The following FXR1 variants were observed in gnomAD, a reference collection of about 807,000 sequenced individuals.
FXR1 encodes FMR1 autosomal homolog 1, also known as RNA-binding protein FXR1.
In FXR1, 15 loss-of-function variants were observed where a neutral mutation model predicts 84.0. The ratio of observed to expected loss-of-function variants is 0.18; its 90% CI spans 0.12 to 0.27. The LOEUF (loss-of-function observed/expected upper bound fraction) is 0.27, where lower values mean the gene tolerates loss of function less well. Among genes scored for constraint, FXR1 ranks in the 10% least tolerant of loss-of-function variants. The pLI is 1.00. For synonymous variants in FXR1, 245 were observed against 250.7 expected, an observed-to-expected ratio of 0.98 and a Z score of 0.21; for missense variants, 480 against 774.4, an observed-to-expected ratio of 0.62 and a Z score of 4.51.
intron 10 of FXR1, among the ~76,000 whole-genome samples, chr3:180,961,156 G>A (rs1324699154): frequency 6.6e-6 from 1 of 151,886 alleles, no homozygotes; most frequent in East Asian, 1.9e-4. Flanking sequence ...TTGGGCAACA[G>A]AGCAAGACCC....
At chr3:180,933,715 A>G (rs1576921395) in intron 2 of FXR1, among the ~76,000 whole-genome samples, 1 of 152,172 alleles carries the variant, frequency 6.6e-6, no homozygotes, top group East Asian at 1.9e-4. Flanking sequence ...CCAGTTGACT[A>G]CTGGTCATCA....
chr3:180,958,804 C>CTTT (rs748793011), intron 10 of FXR1, among the ~76,000 whole-genome samples: 2 of 133,964 alleles, frequency 1.5e-5, no homozygotes, highest in African/African-American at 2.7e-5. Flanking sequence ...AAAGTATTGA[C>CTTT]TTTTTTTTTT....
At position 180,975,423 on chromosome 3, in the gene FXR1, G is replaced by A. The variant is rs1471288772; in HGVS notation, c.1695+19G>A. ...AGAAATGGTAAGGAGAATTTAACCT[G>A]TAGGTTTTTTTTTTTTTTAATTTTT... On this transcript the variant is annotated intron_variant, in intron 16 of 16. Transcript: ENST00000357559. 2 of 960,078 alleles carry A rather than the reference G, an allele frequency of 2.1e-6. No individual in the cohort carries two copies. The highest frequency in any genetic ancestry group is 1.6e-5 in the South Asian group (1 of 63,962). The allele number at this position is 960,078 out of a possible 1,614,324, so 59.5% of individuals were successfully genotyped here.
chr3:180,937,565 T>G (rs945529697), intron 3 of FXR1, among the ~76,000 whole-genome samples: 1 of 152,186 alleles, frequency 6.6e-6, no homozygotes, highest in Non-Finnish European at 1.5e-5. Flanking sequence ...TCAAATTTGC[T>G]CTCTAGAATT....
chr3:180,940,614 T>G (rs1324812096), intron 3 of FXR1, among the ~76,000 whole-genome samples: 1 of 150,798 alleles, frequency 6.6e-6, no homozygotes, highest in Non-Finnish European at 1.5e-5. Flanking sequence ...AGTTTCGGTC[T>G]TGTCCAGGCT....
chr3:180,962,259 C>T (rs1712218720), intron 11 of FXR1, among the ~76,000 whole-genome samples: 2 of 152,190 alleles, frequency 1.3e-5, no homozygotes, highest in Admixed American at 6.5e-5. Context: ...TGAGATCACT[C>T]TGATAATGTC....
intron 1 of FXR1, chr3:180,933,024 C>G: frequency 3.8e-6 from 1 of 265,460 alleles, no homozygotes; most frequent in Non-Finnish European, 7.0e-6. Flanking sequence ...GTAGTAAATA[C>G]TGAACTCTTA....
intron 15 of FXR1, among the ~76,000 whole-genome samples, chr3:180,974,618 G>A (rs893149704): frequency 6.6e-6 from 1 of 151,996 alleles, no homozygotes; most frequent in South Asian, 2.1e-4. Flanking sequence ...ATTTCAGATC[G>A]TCCCTACCAA....
chr3:180,940,585 C>CTTTTTTTTTT (rs58770842), intron 3 of FXR1, among the ~76,000 whole-genome samples: 76 of 147,456 alleles, frequency 5.2e-4, no homozygotes, highest in African/African-American at 1.9e-3. Flanking sequence ...TTTCTGTTTT[C>CTTTTTTTTTT]TTTTTTTTTT....
At chr3:180,935,031 C>T (rs542932798) in intron 2 of FXR1, 107 bp from the exon 3 acceptor site, 22 of 548,838 alleles carry the variant, frequency 4.0e-5, no homozygotes, top group South Asian at 1.1e-4. Flanking sequence ...TGTTGTTTTC[C>T]TTCTCTTTAG....
intron 14 of FXR1, among the ~76,000 whole-genome samples, chr3:180,969,218 A>G (rs2108492145): frequency 6.6e-6 from 1 of 152,330 alleles, no homozygotes; most frequent in South Asian, 2.1e-4. Context: ...AATAGTTTTT[A>G]TATTTTAGTA....
chr3:180,921,521 A>C (rs1718589813), intron 1 of FXR1, among the ~76,000 whole-genome samples: 1 of 152,258 alleles, frequency 6.6e-6, no homozygotes, highest in African/African-American at 2.4e-5. Context: ...TTTAAAAAGT[A>C]TATTGTTTGA....
intron 1 of FXR1, among the ~76,000 whole-genome samples, chr3:180,931,852 C>A (rs551690547): frequency 6.7e-6 from 1 of 150,206 alleles, no homozygotes; most frequent in African/African-American, 2.4e-5. Context: ...GTGATCCTCC[C>A]GCCTCAGCCT....
At chr3:180,914,979 A>G in intron 1 of FXR1, 2 of 966,378 alleles carry the variant, frequency 2.1e-6, no homozygotes, top group Non-Finnish European at 2.5e-6. Flanking sequence ...TTTGAAGTAA[A>G]CAGATGAGAA....
At chr3:180,938,296 T>C (rs907908409) in intron 3 of FXR1, among the ~76,000 whole-genome samples, 2 of 152,236 alleles carry the variant, frequency 1.3e-5, no homozygotes, top group South Asian at 2.1e-4. Flanking sequence ...TTTATACTTT[T>C]ATTAACACTG....
intron 14 of FXR1, 183 bp downstream of exon 14, chr3:180,968,437 G>C: frequency 1.8e-6 from 1 of 565,826 alleles, no homozygotes. Flanking sequence ...CTCAGTGAAG[G>C]TTTACTTAGA....
Position 180,982,388 on chromosome 3 carries a change from T to C in FXR1, c.*6096T>C, listed in dbSNP as rs1413190181. 2.0e-5 allele frequency: 3 copies of C among 152,086 alleles called. No homozygotes were observed. The highest frequency in any genetic ancestry group is 2.0e-4 in the Admixed American group (3 of 15,252). 9.4% of individuals were successfully genotyped at this position (152,086 alleles called of 1,614,324 possible). Reference sequence around the variant, plus strand: ...ACATTTAAATGTTCAGTTTGCCTAATAGCCTTCAATGAAACACGGATTCTT... The same window carrying C: ...ACATTTAAATGTTCAGTTTGCCTAACAGCCTTCAATGAAACACGGATTCTT... On this transcript the variant is annotated 3_prime_UTR_variant, in exon 17 of 17. Coordinates refer to ENST00000357559, the MANE Select transcript of FXR1 (RefSeq NM_005087.4).
chr3:180,934,633 A>G (rs1204200186), intron 2 of FXR1, among the ~76,000 whole-genome samples: 1 of 152,198 alleles, frequency 6.6e-6, no homozygotes, highest in Non-Finnish European at 1.5e-5. Context: ...AATTGCTGAT[A>G]ATTTTCTGTA....
chr3:180,931,677 GTCTTAATTTGC>G (rs1719915920), intron 1 of FXR1, among the ~76,000 whole-genome samples: 5 of 150,706 alleles, frequency 3.3e-5, no homozygotes, highest in Non-Finnish European at 7.4e-5. Context: ...ATATTTTATA[GTCTTAATTTGC>G]TTAGAAAAAT....
Sources: allele counts gnomAD v4.1 joint callset (sites outside exome capture counted in the v4.1 genomes callset), GRCh38; gene constraint gnomAD v4.1.1; transcripts MANE v1.5; gene names NCBI Gene and HGNC (gene_info 2026-07-23, HGNC 2026-07-21).